Variants in RGS7 observed in about 807,000 individuals in gnomAD.
RGS7 encodes the protein regulator of G-protein signaling 7.
In RGS7, 27 loss-of-function variants were observed where a neutral mutation model predicts 81.1. That is an observed-to-expected ratio of 0.33 (90% CI 0.25 to 0.46). The LOEUF is 0.46. Among genes scored for constraint, RGS7 ranks in the 20% least tolerant of loss-of-function variants. The probability of loss-of-function intolerance (pLI) is 1.00; values close to 1 mark genes in which losing one functional copy is unlikely to be tolerated. For synonymous variants in RGS7, 208 were observed against 207.7 expected (o/e 1.00, Z -0.01); for missense variants, 396 against 607.4 (o/e 0.65, Z 3.66).
chr1:240,964,983 T>A (rs1682050628), intron 4 of RGS7, among the ~76,000 whole-genome samples: 1 of 152,220 alleles, frequency 6.6e-6, no homozygotes, highest in South Asian at 2.1e-4. Context: ...CTCTTCCTTC[T>A]TTGTGGAACT....
intron 2 of RGS7, among the ~76,000 whole-genome samples, chr1:241,123,039 C>A (rs943159662): frequency 2.0e-5 from 3 of 152,158 alleles, no homozygotes; most frequent in Admixed American, 2.0e-4. Context: ...CTTGTGCAAT[C>A]ACAGAGACCT....
chr1:240,960,217 C>CTTTTTTTTTTTTTT (rs750366747), intron 4 of RGS7, among the ~76,000 whole-genome samples: 7 of 8,958 alleles, frequency 7.8e-4, no homozygotes, highest in Admixed American at 2.4e-3. Context: ...TCTTCTTCTT[C>CTTTTTTTTTTTTTT]TTTTTTTTTT....
intron 2 of RGS7, among the ~76,000 whole-genome samples, chr1:241,099,115 T>C (rs72758848): frequency 0.12 from 18,454 of 152,208 alleles, 1,871 homozygotes; most frequent in African/African-American, 0.27. Flanking sequence ...TTCATTAATG[T>C]TACCTCTACT....
intron 9 of RGS7, among the ~76,000 whole-genome samples, chr1:240,848,799 T>A (rs76786976): frequency 0.014 from 2,140 of 152,224 alleles, 46 homozygotes; most frequent in African/African-American, 0.048. Flanking sequence ...TGTATAACAT[T>A]TGAATGCCAA....
chr1:240,783,540 T>G lies in RGS7; in HGVS notation c.*7-7327A>C, dbSNP rs1345375256. Among the ~76,000 whole-genome samples the G allele has an allele frequency of 3.3e-5, 5 of 151,540 alleles. No homozygotes were observed. In the East Asian group the frequency reaches 7.8e-4, roughly 24 times the overall value. ...CAGGAGGCTGAGACAGGAGAATTGT[T>G]TGAACCCAGGAGACAGAGGTTGCAG... On this transcript the variant is annotated intron_variant, in intron 18 of 18. Coordinates refer to ENST00000440928, the MANE Select transcript of RGS7 (RefSeq NM_001364886.1).
At chr1:241,106,770 A>ACACCCC (rs2065142705) in intron 2 of RGS7, among the ~76,000 whole-genome samples, 2 of 149,500 alleles carry the variant, frequency 1.3e-5, no homozygotes, top group African/African-American at 4.9e-5. Context: ...ACACACACAC[A>ACACCCC]CACACACACA....
intron 18 of RGS7, among the ~76,000 whole-genome samples, chr1:240,787,060 T>A (rs1316714172): frequency 1.3e-5 from 2 of 152,312 alleles, no homozygotes; most frequent in Non-Finnish European, 2.9e-5. Flanking sequence ...GAGCACTGTA[T>A]GAGATCACCT....
intron 6 of RGS7, among the ~76,000 whole-genome samples, chr1:240,902,955 T>C (rs1670247733): frequency 6.6e-6 from 1 of 152,204 alleles, no homozygotes; most frequent in South Asian, 2.1e-4. Context: ...TCATTTTAGG[T>C]TGCCTTGTGT....
intron 2 of RGS7, among the ~76,000 whole-genome samples, chr1:241,333,639 T>C (rs982510385): frequency 6.6e-6 from 1 of 152,186 alleles, no homozygotes; most frequent in Admixed American, 6.5e-5. Flanking sequence ...GATACGGCAC[T>C]CTTTTACTAC....
chr1:241,034,350 A>G (rs1051203320), intron 3 of RGS7, among the ~76,000 whole-genome samples: 1 of 152,216 alleles, frequency 6.6e-6, no homozygotes, highest in East Asian at 1.9e-4. Context: ...GCATCTTTAG[A>G]CCTTTACTGA....
chr1:240,999,904 G>C (rs1464100328), intron 3 of RGS7, among the ~76,000 whole-genome samples: 1 of 152,170 alleles, frequency 6.6e-6, no homozygotes, highest in Non-Finnish European at 1.5e-5. Flanking sequence ...AGCCTGGCCT[G>C]ATGAATGTTT....
chr1:240,964,258 G>A (rs1277158715), intron 4 of RGS7, among the ~76,000 whole-genome samples: 1 of 152,208 alleles, frequency 6.6e-6, no homozygotes, highest in Admixed American at 6.5e-5. Flanking sequence ...GCCAGTAGAG[G>A]AAGTGGAGAA....
intron 3 of RGS7, among the ~76,000 whole-genome samples, chr1:241,047,896 C>T (rs972687774): frequency 6.6e-6 from 1 of 151,912 alleles, no homozygotes; most frequent in Non-Finnish European, 1.5e-5. Flanking sequence ...TGCACCACCA[C>T]GCCTGGCTAA....
At chr1:241,188,753 T>G (rs2072350604) in intron 2 of RGS7, among the ~76,000 whole-genome samples, 1 of 152,186 alleles carries the variant, frequency 6.6e-6, no homozygotes. Flanking sequence ...TGACCTTAGG[T>G]AGTAAATTAG....
intron 2 of RGS7, among the ~76,000 whole-genome samples, chr1:241,220,947 A>AAGCAAGGAAGGAAGGAAGG (rs1202499291): frequency 9.9e-6 from 1 of 100,954 alleles, no homozygotes; most frequent in African/African-American, 4.0e-5. Context: ...AGGAAGGAAG[A>AAGCAAGGAAGGAAGGAAGG]AGCAAGGAAG....
intron 2 of RGS7, among the ~76,000 whole-genome samples, chr1:241,269,704 T>C (rs1428551352): frequency 6.6e-6 from 1 of 152,220 alleles, no homozygotes; most frequent in African/African-American, 2.4e-5. Context: ...GAGTGGGCGA[T>C]CTGCTACTCT....
chr1:240,884,259 A>G (rs376003658), intron 6 of RGS7, among the ~76,000 whole-genome samples: 13 of 152,272 alleles, frequency 8.5e-5, no homozygotes, highest in African/African-American at 3.1e-4. Context: ...AAAAATATAC[A>G]TTAAATAAGA....
At chr1:241,081,042 G>A (rs954354294) in intron 3 of RGS7, among the ~76,000 whole-genome samples, 5 of 152,094 alleles carry the variant, frequency 3.3e-5, no homozygotes, top group Admixed American at 6.5e-5. Context: ...TATTGATCAC[G>A]GGAGCACACT....
chr1:240,812,127 G>T (rs1689954689), intron 13 of RGS7, 84 bp from the exon 14 acceptor site: 1 of 1,489,196 alleles, frequency 6.7e-7, no homozygotes, highest in Non-Finnish European at 9.3e-7. Context: ...TCAAAATCAT[G>T]TGTGCCTCGA....
Sources: allele counts gnomAD v4.1 joint callset (sites outside exome capture counted in the v4.1 genomes callset), GRCh38; gene constraint gnomAD v4.1.1; transcripts MANE v1.5; gene names NCBI Gene and HGNC (gene_info 2026-07-23, HGNC 2026-07-21).